The following GMDS variants were observed in gnomAD, a reference collection of about 807,000 sequenced individuals.
GMDS encodes GDP-mannose 4,6-dehydratase.
A neutral mutation model predicts 49.9 loss-of-function variants in GMDS; 20 were observed. That is an observed-to-expected ratio of 0.40 (90% CI 0.28 to 0.58). The LOEUF (loss-of-function observed/expected upper bound fraction) is 0.58, where lower values mean the gene tolerates loss of function less well. Among genes scored for constraint, GMDS ranks in the 20% least tolerant of loss-of-function variants. The probability of loss-of-function intolerance (pLI) is 0.42; values close to 1 mark genes in which losing one functional copy is unlikely to be tolerated. For missense variants in GMDS, 362 were observed against 481.4 expected (o/e 0.75, Z 2.32); for synonymous variants, 177 against 178.6 (o/e 0.99, Z 0.07).
intron 1 of GMDS, among the ~76,000 whole-genome samples, chr6:2,235,568 G>A (rs1277143312): frequency 6.6e-6 from 1 of 152,020 alleles, no homozygotes; most frequent in African/African-American, 2.4e-5. Context: ...CACTTGGAGA[G>A]GTTGAGATGG....
At chr6:1,961,063 A>C in intron 4 of GMDS, 97 bp from the exon 5 acceptor site, 103 of 569,774 alleles carry the variant, frequency 1.8e-4, no homozygotes, top group Non-Finnish European at 2.7e-4. Context: ...ACACTGTGAA[A>C]TGTTGGTGAG....
chr6:1,913,903 G>A (rs1377117712), intron 7 of GMDS, among the ~76,000 whole-genome samples: 1 of 152,264 alleles, frequency 6.6e-6, no homozygotes, highest in South Asian at 2.1e-4. Context: ...ATGTAAATAA[G>A]GCAAGCTTAA....
At chr6:1,794,665 A>G (rs1189209922) in intron 7 of GMDS, among the ~76,000 whole-genome samples, 1 of 152,228 alleles carries the variant, frequency 6.6e-6, no homozygotes, top group Non-Finnish European at 1.5e-5. Context: ...GGATATTAAC[A>G]ATGGTACCCA....
At chr6:1,725,594 C>T (rs539514026) in intron 9 of GMDS, among the ~76,000 whole-genome samples, 11 of 152,158 alleles carry the variant, frequency 7.2e-5, no homozygotes, top group East Asian at 5.8e-4. Flanking sequence ...CTACCACACC[C>T]GGCTAATTTT....
At chr6:2,050,691 G>A (rs555313375) in intron 4 of GMDS, among the ~76,000 whole-genome samples, 28 of 152,174 alleles carry the variant, frequency 1.8e-4, no homozygotes, top group African/African-American at 3.4e-4. Flanking sequence ...CAATCAAGTC[G>A]GCTTCATCCC....
chr6:1,904,047 A>C (rs1760633111), intron 7 of GMDS, among the ~76,000 whole-genome samples: 1 of 152,196 alleles, frequency 6.6e-6, no homozygotes, highest in Non-Finnish European at 1.5e-5. Flanking sequence ...TAGGGGAGGA[A>C]GGCAAGCTTG....
chr6:2,105,218 A>C (rs1774175498), intron 4 of GMDS, among the ~76,000 whole-genome samples: 1 of 151,636 alleles, frequency 6.6e-6, no homozygotes, highest in African/African-American at 2.4e-5. Flanking sequence ...ATGATCACTA[A>C]ACCAAAACAC....
chr6:1,805,907 C>G (rs1770157235), intron 7 of GMDS, among the ~76,000 whole-genome samples: 1 of 152,098 alleles, frequency 6.6e-6, no homozygotes, highest in Admixed American at 6.6e-5. Context: ...TAGGTTGTTT[C>G]CAATTTTATG....
chr6:2,065,682 T>G (rs1347888546), intron 4 of GMDS, among the ~76,000 whole-genome samples: 3 of 151,666 alleles, frequency 2.0e-5, no homozygotes, highest in Admixed American at 2.0e-4. Flanking sequence ...CAATGGAAGA[T>G]GAAATGAATG....
intron 1 of GMDS, among the ~76,000 whole-genome samples, chr6:2,199,727 G>A (rs1032563523): frequency 1.3e-4 from 20 of 152,072 alleles, no homozygotes; most frequent in African/African-American, 4.8e-4. Context: ...TTTATCATTT[G>A]TTGAAATTAT....
At chr6:2,055,050 C>T (rs1054971173) in intron 4 of GMDS, among the ~76,000 whole-genome samples, 5 of 151,920 alleles carry the variant, frequency 3.3e-5, no homozygotes, top group Admixed American at 1.3e-4. Flanking sequence ...CAACATCATA[C>T]GGATATAAAA....
At chr6:2,221,384 GTTC>G (rs140226889) in intron 1 of GMDS, among the ~76,000 whole-genome samples, 1,678 of 150,818 alleles carry the variant, frequency 0.011, 18 homozygotes, top group Non-Finnish European at 0.017. Flanking sequence ...CATCTAAAAT[GTTC>G]TTTTTTTTTT....
chr6:2,161,010 T>C (rs762426601), intron 1 of GMDS, among the ~76,000 whole-genome samples: 2 of 152,214 alleles, frequency 1.3e-5, no homozygotes, highest in Non-Finnish European at 2.9e-5. Context: ...AAAAGGATTA[T>C]ATGTTAACTT....
At chr6:2,065,365 C>A (rs959298176) in intron 4 of GMDS, among the ~76,000 whole-genome samples, 1 of 152,206 alleles carries the variant, frequency 6.6e-6, no homozygotes, top group South Asian at 2.1e-4. Context: ...AAGCAGAGCG[C>A]CTCTCCTCCT....
At chr6:1,918,106 A>G (rs1581360067) in intron 7 of GMDS, among the ~76,000 whole-genome samples, 2 of 152,246 alleles carry the variant, frequency 1.3e-5, no homozygotes, top group South Asian at 2.1e-4. Context: ...TCTAATTTGC[A>G]TGTGTTGGTG....
intron 4 of GMDS, among the ~76,000 whole-genome samples, chr6:2,068,705 AC>A (rs1339626351): frequency 6.6e-6 from 1 of 152,208 alleles, no homozygotes; most frequent in Admixed American, 6.5e-5. Context: ...AATCCAACTT[AC>A]AAGGGATGTG....
chr6:1,826,455 G>A lies in GMDS; in HGVS notation c.772-83869C>T, dbSNP rs554595794. Among the ~76,000 whole-genome samples, 11 of 152,264 alleles carry A rather than the reference G, an allele frequency of 7.2e-5. No homozygotes were observed. In the South Asian group the frequency reaches 2.3e-3, roughly 32 times the overall value. ...TTAGCAAATTGTTTTCATGCAAAAGGAGGTTCTAAAATTATTTTAAGTGCT... is the reference window on the plus strand; with the variant it reads ...TTAGCAAATTGTTTTCATGCAAAAGAAGGTTCTAAAATTATTTTAAGTGCT... On this transcript the variant is annotated intron_variant, in intron 7 of 10. Transcript: ENST00000380815.
intron 8 of GMDS, among the ~76,000 whole-genome samples, chr6:1,730,629 A>G (rs9391928): frequency 0.83 from 125,550 of 151,698 alleles, 52,476 homozygotes; most frequent in East Asian, 1. Flanking sequence ...TGTATGCACG[A>G]TGAATACTGA....
At chr6:1,813,654 C>T (rs1461968113) in intron 7 of GMDS, among the ~76,000 whole-genome samples, 3 of 152,168 alleles carry the variant, frequency 2.0e-5, no homozygotes, top group African/African-American at 4.8e-5. Flanking sequence ...CCAAAGATTA[C>T]AGCATCCCCA....
Sources: gnomAD v4.1 joint callset for allele counts (sites outside exome capture counted in the v4.1 genomes callset) on GRCh38, gnomAD v4.1.1 for gene constraint, MANE v1.5 for transcripts, NCBI Gene and HGNC (gene_info 2026-07-23, HGNC 2026-07-21) for gene names.